BIRC6: variants seen among roughly 807,000 people sequenced by gnomAD.
BIRC6 encodes dual E2 ubiquitin-conjugating enzyme/E3 ubiquitin-protein ligase BIRC6.
Under a neutral mutation model 503.3 loss-of-function variants are expected in BIRC6, and 98 were observed. The ratio of observed to expected loss-of-function variants is 0.19; its 90% CI spans 0.17 to 0.23. The LOEUF is 0.23. BIRC6 is among the 10% of genes least tolerant of loss of function. BIRC6 has a pLI of 1.00. For missense variants in BIRC6, 5,360 were observed against 5,806.0 expected, an observed-to-expected ratio of 0.92 and a Z score of 2.50; for synonymous variants, 2,240 against 2,078.7, an observed-to-expected ratio of 1.08 and a Z score of -2.11.
chr2:32,592,072 C>T (rs892399196), intron 66 of BIRC6, among the ~76,000 whole-genome samples: 2 of 152,180 alleles, frequency 1.3e-5, no homozygotes, highest in South Asian at 4.1e-4. Flanking sequence ...GTAGTTGACT[C>T]GAGCAGTAAA....
At chr2:32,377,823 A>C (rs1244309126) in intron 2 of BIRC6, 54 bp downstream of exon 2, 1 of 1,410,214 alleles carries the variant, frequency 7.1e-7, no homozygotes, top group Non-Finnish European at 9.5e-7. Flanking sequence ...TCTTAGACAT[A>C]TTAGATGTTA....
At chr2:32,563,913 A>G (rs1472171817) in intron 65 of BIRC6, 1 of 152,136 alleles carries the variant, frequency 6.6e-6, no homozygotes, top group African/African-American at 2.4e-5. Context: ...CCTTGTCTCT[A>G]CTAAAAATAA....
chr2:32,613,222 ACT>A (rs1463959055), intron 73 of BIRC6, among the ~76,000 whole-genome samples: 2 of 151,702 alleles, frequency 1.3e-5, no homozygotes, highest in African/African-American at 2.4e-5. Context: ...TTTCTGAGAC[ACT>A]GTCTCTCTCT....
In BIRC6 at chr2:32,509,778, A is replaced by C; in HGVS notation, c.10021A>C (p.Ile3341Leu). The stretch of plus-strand genomic sequence containing the variant: ...GTTATTACATCATTGCCTTACTCAC[A>C]TAAGTGATCTAGAAGGAATGATGGC... The part of the protein sequence containing the change: ...LRLLHHCLTH[I>L]SDLEGMMASA... Residue 3341 changes from isoleucine (I) to leucine (L), a missense_variant, in exon 52 of 74, where the codon ATA (isoleucine) becomes CTA (leucine). Transcript: ENST00000421745. 2 of 1,614,044 alleles carry C rather than the reference A, an allele frequency of 1.2e-6. No individual in the cohort carries two copies. Among genetic ancestry groups the C allele is most frequent in the Non-Finnish European group, 1.7e-6 (2 of 1,179,892 alleles).
chr2:32,420,000 T>C (rs1253104679), intron 10 of BIRC6, among the ~76,000 whole-genome samples: 1 of 152,252 alleles, frequency 6.6e-6, no homozygotes, highest in Non-Finnish European at 1.5e-5. Context: ...GTAAAATATA[T>C]TGATTGACTT....
intron 1 of BIRC6, among the ~76,000 whole-genome samples, chr2:32,369,724 G>A (rs1021240446): frequency 2.6e-5 from 4 of 151,054 alleles, no homozygotes; most frequent in South Asian, 2.1e-4. Context: ...CATCTCGCCC[G>A]GCGCCATTGA....
At chr2:32,429,902 T>C (rs933603638) in intron 11 of BIRC6, among the ~76,000 whole-genome samples, 1 of 152,174 alleles carries the variant, frequency 6.6e-6, no homozygotes, top group Admixed American at 6.5e-5. Context: ...AAAGCTAAAA[T>C]ACTGAATATT....
Position 32,477,240 on chromosome 2 carries a change from A to G in BIRC6, c.6853-128A>G, listed in dbSNP as rs760947452. ...TAATATTCTTACTTTTGAAACTTAC[A>G]GTGTATCTAAAAATTTTGCTCTTTA... is the stretch of plus-strand genomic sequence containing the variant. On this transcript the variant is annotated intron_variant, in intron 34 of 73. Coordinates refer to ENST00000421745, the MANE Select transcript of BIRC6 (RefSeq NM_016252.4). 1.9e-4 allele frequency: 142 copies of G among 748,930 alleles called. 1 individual carries two copies. The Middle Eastern group carries it at 3.5e-3, about 18-fold the overall frequency. The allele number at this position is 748,930 out of a possible 1,614,324, so 46.4% of individuals were successfully genotyped here. A position where few individuals can be genotyped will look rare whatever the true frequency, so the allele number is the denominator to read the frequency against.
intron 66 of BIRC6, among the ~76,000 whole-genome samples, chr2:32,593,034 T>C (rs1419239248): frequency 2.0e-5 from 3 of 152,258 alleles, no homozygotes; most frequent in Non-Finnish European, 4.4e-5. Context: ...ATAAGTGATG[T>C]ATAGTTTAGA....
Position 32,365,686 on chromosome 2 carries a change from G to A in BIRC6, c.325+8200G>A, listed in dbSNP as rs957609882. Reference sequence around the variant, plus strand: ...ACAAGTGTTTGTCTGCCTTATGTAGGTAACAAGGTTAATTTGAACTACCTT... The same window carrying A: ...ACAAGTGTTTGTCTGCCTTATGTAGATAACAAGGTTAATTTGAACTACCTT... On this transcript the variant is annotated intron_variant, in intron 1 of 73. Transcript: ENST00000421745. Among the ~76,000 whole-genome samples the A allele has an allele frequency of 3.5e-4, 53 of 151,900 alleles. 1 individual carries two copies. The highest frequency in any genetic ancestry group is 1.2e-3 in the African/African-American group (51 of 41,342).
intron 59 of BIRC6, among the ~76,000 whole-genome samples, chr2:32,525,863 A>G (rs537753876): frequency 1.3e-5 from 2 of 152,260 alleles, no homozygotes; most frequent in African/African-American, 4.8e-5. Context: ...CTGGTTTTCT[A>G]AGTTTTTCTG....
At chr2:32,379,709 A>G in intron 2 of BIRC6, 1 of 153,160 alleles carries the variant, frequency 6.5e-6, no homozygotes, top group Non-Finnish European at 1.5e-5. Context: ...AGTAGTTCAT[A>G]TTGAATATGT....
chr2:32,485,178 C>T (rs1177077005), intron 39 of BIRC6, among the ~76,000 whole-genome samples: 1 of 152,020 alleles, frequency 6.6e-6, no homozygotes, highest in Non-Finnish European at 1.5e-5. Flanking sequence ...TCGTGGTGGA[C>T]AGAGCTAGGG....
At chr2:32,473,074 T>C (rs1158891565) in intron 32 of BIRC6, 38 bp from the exon 33 acceptor site, 3 of 1,506,722 alleles carry the variant, frequency 2.0e-6, no homozygotes, top group African/African-American at 2.8e-5. Context: ...AAATCACATT[T>C]AACAGAATTA....
intron 63 of BIRC6, among the ~76,000 whole-genome samples, chr2:32,547,128 T>C (rs1233709321): frequency 6.6e-6 from 1 of 152,234 alleles, no homozygotes; most frequent in East Asian, 1.9e-4. Context: ...TTATAAAATG[T>C]ATATAAACAT....
At chr2:32,395,163 A>G (rs2039727758) in intron 5 of BIRC6, among the ~76,000 whole-genome samples, 2 of 152,182 alleles carry the variant, frequency 1.3e-5, no homozygotes, top group Admixed American at 6.5e-5. Flanking sequence ...AAAAACAGCA[A>G]CAACGACAAC....
At chr2:32,426,469 G>T (rs939982999) in intron 10 of BIRC6, among the ~76,000 whole-genome samples, 4 of 152,210 alleles carry the variant, frequency 2.6e-5, no homozygotes, top group Non-Finnish European at 5.9e-5. Context: ...CGGGTGTGGT[G>T]GTGGGCACCT....
In BIRC6 at chr2:32,501,658, A is replaced by T. The variant is rs796415778; in HGVS notation, c.9032-55A>T. ...AGTGTTGAGATTACAGGCATGAGCC[A>T]CTGCGCCTGGCTGGATATATATACT... On this transcript the variant is annotated intron_variant, in intron 46 of 73. Coordinates refer to ENST00000421745, the MANE Select transcript of BIRC6 (RefSeq NM_016252.4). The T allele has an allele frequency of 8.8e-6, 13 of 1,475,054 alleles. No homozygotes were observed. The African/African-American group carries it at 1.3e-4, about 14-fold the overall frequency. 91.4% of individuals were successfully genotyped at this position (1,475,054 alleles called of 1,614,324 possible).
intron 1 of BIRC6, among the ~76,000 whole-genome samples, chr2:32,359,724 A>G (rs1008620138): frequency 6.6e-6 from 1 of 152,164 alleles, no homozygotes; most frequent in Admixed American, 6.6e-5. Flanking sequence ...GAAATTTATT[A>G]TTATTTGTAA....
Sources: allele counts gnomAD v4.1 joint callset (sites outside exome capture counted in the v4.1 genomes callset), GRCh38; gene constraint gnomAD v4.1.1; transcripts MANE v1.5; gene names NCBI Gene and HGNC (gene_info 2026-07-23, HGNC 2026-07-21).